Variants in SAP130 observed in about 807,000 individuals in gnomAD.
SAP130 encodes the protein Sin3A associated protein 130, also known as histone deacetylase complex subunit SAP130.
A neutral mutation model predicts 103.2 loss-of-function variants in SAP130; 16 were observed. The ratio of observed to expected loss-of-function variants is 0.16; its 90% confidence interval spans 0.10 to 0.24. The LOEUF is 0.24. Among genes scored for constraint, SAP130 ranks in the 10% least tolerant of loss-of-function variants. The probability of loss-of-function intolerance (pLI) is 1.00; values close to 1 mark genes in which losing one functional copy is unlikely to be tolerated. For synonymous variants in SAP130, 477 were observed against 497.0 expected (o/e 0.96, Z 0.53); for missense variants, 990 against 1,359.7 (o/e 0.73, Z 4.28).
intron 1 of SAP130, among the ~76,000 whole-genome samples, chr2:128,026,721 A>T (rs1685522617): frequency 6.6e-6 from 1 of 152,256 alleles, no homozygotes; most frequent in African/African-American, 2.4e-5. Flanking sequence ...GAACATTCGG[A>T]GGAAGATATC....
chr2:127,999,757 G>A lies in SAP130; in HGVS notation c.1197C>T (p.Thr399=). 6.6e-7 allele frequency: 1 copy of A among 1,516,054 alleles called. No individual in the cohort carries two copies. The allele number at this position is 1,516,054 out of a possible 1,614,324, so 93.9% of individuals were successfully genotyped here. A position where few individuals can be genotyped will look rare whatever the true frequency, so the allele number is the denominator to read the frequency against. ...GCCACTTACCGACTGGGATGTTTGA[G>A]GTGGTCACAGCAGTAGCATGGGAGG... ...SHSSHATAVT[T]SNIPVAKVVP... is the part of the protein sequence containing the mutation. Residue 399 remains threonine, a synonymous_variant, in exon 10 of 21, where the codon ACC becomes ACT. Coordinates refer to ENST00000643581, the MANE Select transcript of SAP130 (RefSeq NM_001330301.2).
intron 15 of SAP130, among the ~76,000 whole-genome samples, chr2:127,969,722 T>C (rs964241189): frequency 6.6e-6 from 1 of 152,204 alleles, no homozygotes; most frequent in African/African-American, 2.4e-5. Flanking sequence ...TCTTTGTTAT[T>C]CCTCGGCGCC....
At position 127,989,804 on chromosome 2, in the gene SAP130, C is replaced by A; in HGVS notation, c.1540G>T (p.Val514Phe). ...AQTGVGVAST[V>F]HLNPMQLMTV... ...ATCAACTGCATGGGGTTTAGGTGGA[C>A]GGTAGACGCTACCCCAACACCAGTC... The change falls in exon 13 of 21, where the codon GTC becomes TTC. Residue 514 changes from valine (V) to phenylalanine (F), a missense_variant. This residue lies in a region of SAP130 where 336 missense variants were observed against 520.1 expected (regional missense o/e 0.65). Coordinates refer to ENST00000643581, the MANE Select transcript of SAP130 (RefSeq NM_001330301.2). This position sits in a 1 kb window ranked among gnomAD's most constrained non-coding sequence, Gnocchi z 4.6. 3.1e-6 allele frequency: 5 copies of A among 1,614,156 alleles called. No individual in the cohort carries two copies. Among genetic ancestry groups the A allele is most frequent in the Non-Finnish European group, 4.2e-6 (5 of 1,180,028 alleles).
At chr2:127,961,851 A>T (rs1415511883) in intron 15 of SAP130, among the ~76,000 whole-genome samples, 1 of 151,996 alleles carries the variant, frequency 6.6e-6, no homozygotes. Context: ...CATGAAAACT[A>T]TGGGGGTGGG....
In SAP130 at chr2:127,941,760, G is replaced by A. The variant is rs1559021214; in HGVS notation, c.*246C>T. ...CCAACTGGTGGACACTGATGCATCCGGAGTCACTTATGACACAGATCAGGT... is the reference window on the plus strand; with the variant it reads ...CCAACTGGTGGACACTGATGCATCCAGAGTCACTTATGACACAGATCAGGT... On this transcript the variant is annotated 3_prime_UTR_variant, in exon 21 of 21. Transcript: ENST00000643581. 1.7e-5 allele frequency: 8 copies of A among 483,440 alleles called. No homozygotes were observed. The highest frequency in any genetic ancestry group is 4.2e-5 in the Admixed American group (1 of 23,874). 29.9% of individuals were successfully genotyped at this position (483,440 alleles called of 1,614,324 possible).
chr2:127,942,010 A>C lies in SAP130; in HGVS notation c.3170T>G (p.Val1057Gly). The C allele has an allele frequency of 1.9e-6, 3 of 1,543,628 alleles. No individual in the cohort carries two copies. Among genetic ancestry groups the C allele is most frequent in the Non-Finnish European group, 1.7e-6 (2 of 1,146,338 alleles). The stretch of plus-strand genomic sequence containing the variant: ...AATCTCCTGATTGTTCTGGGTCTAG[A>C]CTTTTTCCTTTCGCTTCAATTTGGA... ...KVSKLKRKEK[V>G] Residue 1057 changes from valine (V) to glycine (G), a missense_variant, in exon 21 of 21, where the codon GTC becomes GGC. Physicochemically the swap from Val to Gly is moderately radical, Grantham distance 109. Coordinates refer to ENST00000643581, the MANE Select transcript of SAP130 (RefSeq NM_001330301.2). This position sits in a 1 kb window ranked among gnomAD's most constrained non-coding sequence, Gnocchi z 4.8.
Position 127,999,790 on chromosome 2 carries a change from G to A in SAP130, c.1164C>T (p.Pro388=). ...PTSTIVTMTV[P]SHSSHATAVT... ...CAGCAGTAGCATGGGAGGAATGGGA[G>A]GGTACTGTCATGGTAACAATGGTAC... is the stretch of plus-strand genomic sequence containing the variant. The change falls in exon 10 of 21, where the codon CCC becomes CCT. Residue 388 remains proline (P), a synonymous_variant. Transcript: ENST00000643581. The A allele has an allele frequency of 6.5e-7, 1 of 1,534,972 alleles. No homozygotes were observed. The highest frequency in any genetic ancestry group is 8.7e-7 in the Non-Finnish European group (1 of 1,144,354).
intron 7 of SAP130, among the ~76,000 whole-genome samples, chr2:128,005,183 A>T (rs1683868086): frequency 6.6e-6 from 1 of 152,228 alleles, no homozygotes; most frequent in African/African-American, 2.4e-5. Flanking sequence ...CTCCAGAGAG[A>T]AACAGAAGGC....
At position 127,955,679 on chromosome 2, in the gene SAP130, G is replaced by A. The variant is rs916162312; in HGVS notation, c.2064-335C>T. Among the ~76,000 whole-genome samples, 1 of 151,972 alleles carries A rather than the reference G, an allele frequency of 6.6e-6. No individual in the cohort carries two copies. Among genetic ancestry groups the A allele is most frequent in the Admixed American group, 6.6e-5 (1 of 15,250 alleles). ...TTTTTGTATTTTTTTGTGGAGATGG[G>A]GTTTCACCATGTTGCCCAGGCTGAT... On this transcript the variant is annotated intron_variant, in intron 15 of 20. Coordinates refer to ENST00000643581, the MANE Select transcript of SAP130 (RefSeq NM_001330301.2). This position sits in a 1 kb window ranked among gnomAD's most constrained non-coding sequence, Gnocchi z 4.9.
At chr2:127,995,129 T>C (rs376214803) in intron 11 of SAP130, among the ~76,000 whole-genome samples, 68 of 152,348 alleles carry the variant, frequency 4.5e-4, no homozygotes, top group African/African-American at 1.6e-3. Context: ...GATATCAGCA[T>C]GAACTCAAAT....
Position 127,942,012 on chromosome 2 carries a change from T to C in SAP130, c.3168A>G (p.Lys1056=). 1 of 1,548,850 alleles carries C rather than the reference T, an allele frequency of 6.5e-7. No individual in the cohort carries two copies. The highest frequency in any genetic ancestry group is 8.7e-7 in the Non-Finnish European group (1 of 1,146,242). Residue 1056 remains lysine (K), a synonymous_variant, in exon 21 of 21, where the codon AAA becomes AAG. Coordinates refer to ENST00000643581, the MANE Select transcript of SAP130 (RefSeq NM_001330301.2). The surrounding 1 kb of genome is among the most constrained non-coding windows in gnomAD (Gnocchi z 4.8). The stretch of plus-strand genomic sequence containing the variant: ...TCTCCTGATTGTTCTGGGTCTAGAC[T>C]TTTTCCTTTCGCTTCAATTTGGACA... ...KKVSKLKRKE[K]V is the part of the protein sequence containing the mutation.
At chr2:128,016,336 T>C (rs757655853) in intron 4 of SAP130, 53 bp downstream of exon 4, 353 of 1,562,546 alleles carry the variant, frequency 2.3e-4, no homozygotes, top group Non-Finnish European at 2.9e-4. Flanking sequence ...TAAATCATGA[T>C]CAACAGTTTG....
intron 15 of SAP130, among the ~76,000 whole-genome samples, chr2:127,976,596 T>C (rs1681472772): frequency 6.6e-6 from 1 of 152,200 alleles, no homozygotes; most frequent in Non-Finnish European, 1.5e-5. Context: ...AACAATATAA[T>C]CAGTAAGATC....
intron 13 of SAP130, among the ~76,000 whole-genome samples, chr2:127,988,862 A>G (rs374537441): frequency 1.3e-5 from 2 of 152,140 alleles, no homozygotes; most frequent in African/African-American, 4.8e-5. Flanking sequence ...AAAAAGATCT[A>G]AATACAGTGA....
At position 128,010,253 on chromosome 2, in the gene SAP130, T is replaced by C; in HGVS notation, c.869+16A>G. 6.2e-7 allele frequency: 1 copy of C among 1,601,444 alleles called. No individual in the cohort carries two copies. ...GGATGGCAGGAAGGTTCAAACTTCA[T>C]ACTCCCCATGTATACCTAAGTGCTG... On this transcript the variant is annotated intron_variant, in intron 7 of 20. Transcript: ENST00000643581.
rs922928497 is a variant in SAP130 at position 127,961,693 on chromosome 2, T to G, written c.2064-6349A>C. On this transcript the variant is annotated intron_variant, in intron 15 of 20. Coordinates refer to ENST00000643581, the MANE Select transcript of SAP130 (RefSeq NM_001330301.2). ...ATTTGGAGGCGGAAGGTGAGCGGAA[T>G]GCACGCACTTCCCCAGGCTCCCCAT... is the stretch of plus-strand genomic sequence containing the variant. Among the ~76,000 whole-genome samples, 3 of 152,142 alleles carry G rather than the reference T, an allele frequency of 2.0e-5. No homozygotes were observed. In the South Asian group the frequency reaches 6.2e-4, roughly 32 times the overall value.
In SAP130 at chr2:128,017,840, C is replaced by T. The variant is rs563559954; in HGVS notation, c.188G>A (p.Arg63Gln). 45 of 1,614,172 alleles carry T rather than the reference C, an allele frequency of 2.8e-5. No homozygotes were observed. The East Asian group carries it at 3.1e-4, about 11-fold the overall frequency. ...CACAACAGGCTCTTGCTTCTCCTCC[C>T]GGGACTGGAGGGAGCTGCTGGAACT... ...HMSSSSSLQS[R>Q]EEKQEPVVVR... The change falls in exon 3 of 21, where the codon CGG becomes CAG. Residue 63 changes from arginine to glutamine, a missense_variant. Arg to Gln is a conservative substitution (Grantham distance 43, BLOSUM62 1). Around this residue, in one of 6 missense-constraint regions of SAP130, gnomAD observed 167 missense variants for 187.4 expected, o/e 0.89. Transcript: ENST00000643581.
At chr2:127,968,388 G>A (rs934656578) in intron 15 of SAP130, among the ~76,000 whole-genome samples, 1 of 149,796 alleles carries the variant, frequency 6.7e-6, no homozygotes, top group African/African-American at 2.5e-5. Flanking sequence ...TGAGATTACA[G>A]ACGTGAGCCA....
intron 7 of SAP130, among the ~76,000 whole-genome samples, chr2:128,008,727 C>T (rs1208612138): frequency 6.6e-6 from 1 of 151,660 alleles, no homozygotes; most frequent in Admixed American, 6.6e-5. Flanking sequence ...GCTCTGTTGC[C>T]CCAGCTGGAA....
Sources: gnomAD v4.1 joint callset for allele counts (sites outside exome capture counted in the v4.1 genomes callset) on GRCh38, gnomAD v4.1.1 for gene constraint, gnomAD v4.1.1 regional missense constraint, Gnocchi (gnomAD v3.1) non-coding constraint, MANE v1.5 for transcripts, NCBI Gene and HGNC (gene_info 2026-07-23, HGNC 2026-07-21) for gene names.